IQUB: variants seen among roughly 807,000 people sequenced by gnomAD.
The protein encoded by IQUB is IQ motif and ubiquitin domain containing.
Under a neutral mutation model 86.4 loss-of-function variants are expected in IQUB, and 86 were observed. The observed-to-expected ratio is 1.00, with a 90% CI of 0.84 to 1.19. IQUB has a LOEUF of 1.19. Among genes scored for constraint, IQUB ranks in the 50% most tolerant of loss-of-function variants. The pLI is 0.00. For missense variants in IQUB, 946 were observed against 916.9 expected (o/e 1.03, Z -0.41); for synonymous variants, 289 against 304.5 (o/e 0.95, Z 0.53).
At chr7:123,464,185 A>G (rs1794139074) in intron 10 of IQUB, among the ~76,000 whole-genome samples, 1 of 151,834 alleles carries the variant, frequency 6.6e-6, no homozygotes, top group Admixed American at 6.6e-5. Flanking sequence ...TTTTGCTAAT[A>G]GTGTTTTAAA....
At chr7:123,479,728 TG>T in intron 8 of IQUB, 66 bp downstream of exon 8, 2 of 1,137,734 alleles carry the variant, frequency 1.8e-6, no homozygotes, top group Non-Finnish European at 2.6e-6. Context: ...GTCTCTTGTC[TG>T]GTACATTATT....
rs368660926 is a variant in IQUB, at chr7:123,510,030, C to A, written c.403G>T (p.Val135Phe). The change falls in exon 3 of 13, where the codon GTT becomes TTT. Residue 135 changes from valine (V) to phenylalanine (F), a missense_variant. Val to Phe is a conservative substitution (Grantham distance 50, BLOSUM62 -1). Transcript: ENST00000324698. ...SVEDSLATVK[V>F]VLIPVGQEIV... is the part of the protein sequence containing the mutation. ...TCCTGGCCCACTGGAATAAGTACAA[C>A]TTTTACTGTAAATTAAATAGAAAAG... The A allele has an allele frequency of 1.3e-6, 2 of 1,543,758 alleles. No homozygotes were observed. The highest frequency in any genetic ancestry group is 2.3e-5 in the East Asian group (1 of 44,202).
chr7:123,469,134 CT>C lies in IQUB; in HGVS notation c.1581+79del, dbSNP rs57559552. The C allele has an allele frequency of 2.1e-3, 2,071 of 985,006 alleles. 38 individuals are homozygous for C. The African/African-American group carries it at 0.031, about 15-fold the overall frequency. 61.0% of individuals were successfully genotyped at this position (985,006 alleles called of 1,614,324 possible). A position where few individuals can be genotyped will look rare whatever the true frequency, so the allele number is the denominator to read the frequency against. On this transcript the variant is annotated intron_variant, in intron 9 of 12. Coordinates refer to ENST00000324698, the MANE Select transcript of IQUB (RefSeq NM_178827.5). ...CCAAAACAATTCTTAATGTAAAACA[CT>C]TTACTTGTTTTAGTATTTCATTAAT... is the stretch of plus-strand genomic sequence containing the variant.
rs776346074 is a variant in IQUB, at chr7:123,457,436, A to G, written c.2138T>C (p.Ile713Thr). The change falls in exon 12 of 13, where the codon ATT (isoleucine) becomes ACT (threonine). Residue 713 changes from isoleucine to threonine, a missense_variant. Physicochemically the swap from Ile to Thr is moderately conservative, Grantham distance 89. Coordinates refer to ENST00000324698, the MANE Select transcript of IQUB (RefSeq NM_178827.5). Reference protein sequence around the residue: ...KSLEWSPWNCILLTKDEAAAH... With the variant: ...KSLEWSPWNCTLLTKDEAAAH... ...AGCTGCTTCATCTTTGGTAAGAAGA[A>G]TGCAGTTCCAGGGGGACCACTCCAG... 23 of 1,612,582 alleles carry G rather than the reference A, an allele frequency of 1.4e-5. No individual in the cohort carries two copies. Among genetic ancestry groups the G allele is most frequent in the Non-Finnish European group, 1.8e-5 (21 of 1,179,214 alleles).
chr7:123,465,155 C>G, intron 9 of IQUB, 146 bp from the exon 10 acceptor site: 1 of 590,792 alleles, frequency 1.7e-6, no homozygotes, highest in South Asian at 2.2e-5. Flanking sequence ...ACTAATAGTT[C>G]ATTTTTTGTG....
intron 8 of IQUB, among the ~76,000 whole-genome samples, chr7:123,473,227 G>T (rs777335607): frequency 2.2e-4 from 33 of 152,160 alleles, no homozygotes; most frequent in Non-Finnish European, 4.1e-4. Context: ...CTCAGCCATA[G>T]CAGCACTCTT....
chr7:123,533,775 T>A (rs1236660916), intron 1 of IQUB, among the ~76,000 whole-genome samples: 1 of 152,220 alleles, frequency 6.6e-6, no homozygotes, highest in Non-Finnish European at 1.5e-5. Flanking sequence ...GGCCTGGAGA[T>A]GGGGAGAAAT....
At chr7:123,494,374 T>C (rs1340720186) in intron 7 of IQUB, among the ~76,000 whole-genome samples, 1 of 152,160 alleles carries the variant, frequency 6.6e-6, no homozygotes, top group Non-Finnish European at 1.5e-5. Context: ...ATTATCATTA[T>C]GAGCCACAAG....
rs59282478 is a variant in IQUB at position 123,480,036 on chromosome 7, TGAG to T, written c.1235-69_1235-67del. 3.7e-3 allele frequency: 4,396 copies of T among 1,193,442 alleles called. 130 individuals are homozygous for T. In the African/African-American group the frequency reaches 0.059, roughly 16 times the overall value. 73.9% of individuals were successfully genotyped at this position (1,193,442 alleles called of 1,614,324 possible). A position where few individuals can be genotyped will look rare whatever the true frequency, so the allele number is the denominator to read the frequency against. On this transcript the variant is annotated intron_variant, in intron 7 of 12. Coordinates refer to ENST00000324698, the MANE Select transcript of IQUB (RefSeq NM_178827.5). ...CCCATCTTGAATGATCACATCCTGA[TGAG>T]GAGTATTTTATTTTTACATCAATTT...
At chr7:123,502,574 A>G (rs1418892020) in intron 6 of IQUB, 23 bp downstream of exon 6, 1 of 1,600,342 alleles carries the variant, frequency 6.2e-7, no homozygotes, top group Non-Finnish European at 8.5e-7. Flanking sequence ...TTTAGTATTC[A>G]TCCACAATAA....
intron 7 of IQUB, among the ~76,000 whole-genome samples, chr7:123,484,922 A>C (rs956120805): frequency 6.6e-6 from 1 of 152,108 alleles, no homozygotes; most frequent in South Asian, 2.1e-4. Flanking sequence ...CCCAACTAGT[A>C]ACAAAGAATA....
intron 1 of IQUB, among the ~76,000 whole-genome samples, chr7:123,530,144 T>C (rs969605950): frequency 6.6e-6 from 1 of 151,972 alleles, no homozygotes; most frequent in Admixed American, 6.5e-5. Flanking sequence ...AAGGCAGAGG[T>C]TGCAATGAGA....
chr7:123,518,738 C>T (rs960183599), intron 1 of IQUB, among the ~76,000 whole-genome samples: 2 of 152,206 alleles, frequency 1.3e-5, no homozygotes, highest in African/African-American at 2.4e-5. Flanking sequence ...GGATTACAGG[C>T]GCCCACCACC....
intron 1 of IQUB, among the ~76,000 whole-genome samples, chr7:123,516,013 G>A (rs562981287): frequency 9.7e-4 from 148 of 152,256 alleles, no homozygotes; most frequent in Non-Finnish European, 1.7e-3. Flanking sequence ...AACTATATGC[G>A]TTTATTAAAA....
At chr7:123,509,784 C>T (rs1796336872) in intron 3 of IQUB, 117 bp downstream of exon 3, 2 of 867,422 alleles carry the variant, frequency 2.3e-6, no homozygotes, top group East Asian at 2.5e-5. Context: ...GAATGCATAA[C>T]CACAATATAA....
intron 1 of IQUB, among the ~76,000 whole-genome samples, chr7:123,521,651 A>AACACAC (rs150359350): frequency 0.13 from 18,354 of 144,052 alleles, 1,274 homozygotes; most frequent in African/African-American, 0.17. Context: ...TGTCTAAATA[A>AACACAC]ACACACACAC....
chr7:123,465,845 G>C (rs1377337293), intron 9 of IQUB, among the ~76,000 whole-genome samples: 1 of 151,960 alleles, frequency 6.6e-6, no homozygotes, highest in Non-Finnish European at 1.5e-5. Context: ...CCTCATACCT[G>C]AGGAGCTAAT....
In IQUB at chr7:123,510,110, T is replaced by C. The variant is rs1046853124; in HGVS notation, c.398-75A>G. The C allele has an allele frequency of 3.7e-5, 33 of 898,324 alleles. 1 individual carries two copies. Among genetic ancestry groups the C allele is most frequent in the Admixed American group, 2.6e-4 (10 of 39,056 alleles). 55.6% of individuals were successfully genotyped at this position (898,324 alleles called of 1,614,324 possible). ...CAGCAAACTACAGTCCACAAACAGA[T>C]ACAGAATTATGTGTTAATTTTTAAT... On this transcript the variant is annotated intron_variant, in intron 2 of 12. Coordinates refer to ENST00000324698, the MANE Select transcript of IQUB (RefSeq NM_178827.5).
At chr7:123,472,600 A>G (rs1461948377) in intron 8 of IQUB, among the ~76,000 whole-genome samples, 5 of 152,232 alleles carry the variant, frequency 3.3e-5, no homozygotes, top group Admixed American at 3.3e-4. Flanking sequence ...GGAGTTAGCC[A>G]GATTAAAGGG....
Sources: gnomAD v4.1 joint callset for allele counts (sites outside exome capture counted in the v4.1 genomes callset) on GRCh38, gnomAD v4.1.1 for gene constraint, MANE v1.5 for transcripts, NCBI Gene and HGNC (gene_info 2026-07-23, HGNC 2026-07-21) for gene names.